PALM2AKAP2: variants seen among roughly 807,000 people sequenced by gnomAD.
The protein encoded by PALM2AKAP2 is PALM2-AKAP2 fusion protein.
In PALM2AKAP2, 37 loss-of-function variants were observed where a neutral mutation model predicts 71.5. The ratio of observed to expected loss-of-function variants is 0.52; its 90% CI spans 0.40 to 0.68. The LOEUF (loss-of-function observed/expected upper bound fraction) is 0.68. Among genes scored for constraint, PALM2AKAP2 ranks in the 30% least tolerant of loss-of-function variants. The probability of loss-of-function intolerance (pLI) is 0.00; values close to 1 mark genes in which losing one functional copy is unlikely to be tolerated. For missense variants in PALM2AKAP2, 1,224 were observed against 1,191.8 expected (o/e 1.03, Z -0.40); for synonymous variants, 468 against 478.8 (o/e 0.98, Z 0.29).
At chr9:109,844,085 A>G (rs1231132124) in intron 1 of PALM2AKAP2, among the ~76,000 whole-genome samples, 1 of 152,400 alleles carries the variant, frequency 6.6e-6, no homozygotes, top group Non-Finnish European at 1.5e-5. Flanking sequence ...CTTGCAAATC[A>G]GAGCTGGTTG....
At chr9:110,098,875 C>T (rs1208523173) in intron 1 of PALM2AKAP2, among the ~76,000 whole-genome samples, 4 of 152,206 alleles carry the variant, frequency 2.6e-5, no homozygotes, top group African/African-American at 9.7e-5. Flanking sequence ...TCACAAATAA[C>T]CTATATAAAT....
At chr9:109,884,949 G>A (rs1163027766) in intron 3 of PALM2AKAP2, among the ~76,000 whole-genome samples, 1 of 152,158 alleles carries the variant, frequency 6.6e-6, no homozygotes, top group Admixed American at 6.5e-5. Flanking sequence ...AAGGATAATG[G>A]TATCATAACT....
At chr9:109,939,561 T>C (rs968838105) in intron 6 of PALM2AKAP2, among the ~76,000 whole-genome samples, 4 of 152,250 alleles carry the variant, frequency 2.6e-5, no homozygotes, top group Non-Finnish European at 5.9e-5. Flanking sequence ...AAACTAACAA[T>C]TATTACTTTC....
At chr9:109,910,975 T>C (rs1255130116) in intron 3 of PALM2AKAP2, among the ~76,000 whole-genome samples, 1 of 152,154 alleles carries the variant, frequency 6.6e-6, no homozygotes, top group African/African-American at 2.4e-5. Context: ...TTCTTGTTTA[T>C]TGACTAGCAG....
At chr9:109,812,247 C>A (rs730973) in intron 1 of PALM2AKAP2, among the ~76,000 whole-genome samples, 64,661 of 151,898 alleles carry the variant, frequency 0.43, 16,286 homozygotes, top group African/African-American at 0.7. Context: ...AGGGAGGAGG[C>A]AGCTTACAGA....
intron 1 of PALM2AKAP2, among the ~76,000 whole-genome samples, chr9:110,129,650 A>G (rs973753036): frequency 6.6e-6 from 1 of 152,208 alleles, no homozygotes; most frequent in African/African-American, 2.4e-5. Flanking sequence ...CAACCAGAAA[A>G]TGGGGATGCC....
Position 109,748,598 on chromosome 9 carries a change from G to C in PALM2AKAP2, c.6-31890G>C, listed in dbSNP as rs375680521. Among the ~76,000 whole-genome samples, 5 of 152,312 alleles carry C rather than the reference G, an allele frequency of 3.3e-5. 1 individual carries two copies. The highest frequency in any genetic ancestry group is 1.2e-4 in the African/African-American group (5 of 41,566). On this transcript the variant is annotated intron_variant, in intron 1 of 6. Transcript: ENST00000374531. ...TCCTAAGTTAAATGGCAGATTGCAT[G>C]TACTGTCATGTGTCCTATCTGTCAT...
At chr9:109,811,153 G>A (rs1827716961) in intron 1 of PALM2AKAP2, among the ~76,000 whole-genome samples, 1 of 152,190 alleles carries the variant, frequency 6.6e-6, no homozygotes, top group African/African-American at 2.4e-5. Flanking sequence ...AATAAGAGCA[G>A]ACAGTAGAAA....
chr9:109,778,817 G>A (rs2118783908), upstream of PALM2AKAP2, among the ~76,000 whole-genome samples: 1 of 150,466 alleles, frequency 6.6e-6, no homozygotes, highest in East Asian at 1.9e-4. Context: ...TGCCCAGGCT[G>A]GAGTGCAATG....
chr9:109,893,699 C>T (rs1830137690), intron 3 of PALM2AKAP2, among the ~76,000 whole-genome samples: 1 of 152,174 alleles, frequency 6.6e-6, no homozygotes, highest in Non-Finnish European at 1.5e-5. Flanking sequence ...CCATCTACCT[C>T]AGCCTCCCAA....
At chr9:110,018,155 A>T (rs1833015152) in intron 7 of PALM2AKAP2, among the ~76,000 whole-genome samples, 1 of 152,122 alleles carries the variant, frequency 6.6e-6, no homozygotes, top group Non-Finnish European at 1.5e-5. Flanking sequence ...TCTAGTTTAG[A>T]CATCATTCTC....
chr9:110,123,549 C>T (rs745341434), intron 1 of PALM2AKAP2, among the ~76,000 whole-genome samples: 9 of 152,108 alleles, frequency 5.9e-5, no homozygotes, highest in Non-Finnish European at 1.3e-4. Flanking sequence ...AACATAAGAA[C>T]TTGTGGAGAT....
intron 2 of PALM2AKAP2, among the ~76,000 whole-genome samples, chr9:110,152,228 T>C (rs1433536275): frequency 8.5e-6 from 1 of 117,364 alleles, no homozygotes; most frequent in Admixed American, 9.1e-5. Context: ...CAAGACTCCA[T>C]TTCAAAAAAA....
chr9:109,802,751 C>A (rs1827468238), intron 1 of PALM2AKAP2, among the ~76,000 whole-genome samples: 1 of 152,182 alleles, frequency 6.6e-6, no homozygotes, highest in Admixed American at 6.5e-5. Context: ...CACCTAGGTG[C>A]AAAGAAAGCT....
In PALM2AKAP2 at chr9:109,723,685, G is replaced by A. The variant is rs1828436463; in HGVS notation, c.6-56803G>A. On this transcript the variant is annotated intron_variant, in intron 1 of 6. Transcript: ENST00000374531. ...AGGCATTTAACAAGAAGGTGTTTCA[G>A]GAGAATTCCAACTAATTCAGTATGG... 2.0e-5 allele frequency among the ~76,000 whole-genome samples: 3 copies of A among 152,192 alleles called. No individual in the cohort carries two copies. The South Asian group carries it at 6.2e-4, about 31-fold the overall frequency.
intron 6 of PALM2AKAP2, among the ~76,000 whole-genome samples, chr9:109,967,270 CAG>C (rs1053075888): frequency 2.0e-5 from 3 of 152,190 alleles, no homozygotes; most frequent in African/African-American, 7.2e-5. Flanking sequence ...TATCTCAAGA[CAG>C]AGAACCAGGC....
intron 3 of PALM2AKAP2, among the ~76,000 whole-genome samples, chr9:110,166,404 A>G (rs996497737): frequency 7.2e-5 from 11 of 152,336 alleles, no homozygotes; most frequent in East Asian, 1.9e-4. Flanking sequence ...GAAATGTGAG[A>G]TAAAAGATGA....
At chr9:109,792,474 C>T (rs1053841817) in intron 1 of PALM2AKAP2, among the ~76,000 whole-genome samples, 8 of 152,096 alleles carry the variant, frequency 5.3e-5, no homozygotes, top group African/African-American at 1.4e-4. Context: ...TGAACACATG[C>T]GTAGATTTGT....
Position 109,883,876 on chromosome 9 carries a change from A to G in PALM2AKAP2, c.257+3195A>G, listed in dbSNP as rs537490432. 2.6e-5 allele frequency among the ~76,000 whole-genome samples: 4 copies of G among 152,310 alleles called. No homozygotes were observed. The South Asian group carries it at 8.3e-4, about 32-fold the overall frequency. On this transcript the variant is annotated intron_variant, in intron 3 of 9. Transcript: ENST00000302798. ...TTGTTTACCCTGCACTAACAGGCTA[A>G]CCATGATGCTGTCTCTTTCTGGCAA...
Sources: gnomAD v4.1 joint callset for allele counts (sites outside exome capture counted in the v4.1 genomes callset) on GRCh38, gnomAD v4.1.1 for gene constraint, MANE v1.5 for transcripts, NCBI Gene and HGNC (gene_info 2026-07-23, HGNC 2026-07-21) for gene names.